ARHGAP28: variants seen among roughly 807,000 people sequenced by gnomAD.
The protein encoded by ARHGAP28 is Rho GTPase activating protein 28, also known as rho GTPase-activating protein 28.
In ARHGAP28, 56 loss-of-function variants were observed where a neutral mutation model predicts 90.7. That is an observed-to-expected ratio of 0.62 (90% confidence interval 0.50 to 0.77). The LOEUF is 0.77. Among genes scored for constraint, ARHGAP28 ranks in the 30% least tolerant of loss-of-function variants. ARHGAP28 has a pLI of 0.00. For missense variants in ARHGAP28, 869 were observed against 900.9 expected (o/e 0.96, Z 0.45); for synonymous variants, 308 against 323.3 (o/e 0.95, Z 0.51).
chr18:6,750,860 T>C (rs1190479858), intron 1 of ARHGAP28, among the ~76,000 whole-genome samples: 1 of 152,232 alleles, frequency 6.6e-6, no homozygotes, highest in Non-Finnish European at 1.5e-5. Flanking sequence ...AACATAGCAC[T>C]TGACATTATC....
At chr18:6,742,460 G>A (rs72882571) in intron 1 of ARHGAP28, among the ~76,000 whole-genome samples, 4,831 of 152,168 alleles carry the variant, frequency 0.032, 117 homozygotes, top group South Asian at 0.049. Flanking sequence ...GTGAGCCATC[G>A]TGCCCGGCCA....
chr18:6,850,851 G>A (rs767999662), intron 3 of ARHGAP28, 183 bp from the exon 4 acceptor site: 6 of 1,521,182 alleles, frequency 3.9e-6, no homozygotes, highest in Non-Finnish European at 5.2e-6. Context: ...GCATTTATGA[G>A]GATCAATGTA....
chr18:6,807,871 G>C (rs1048160613), intron 1 of ARHGAP28, among the ~76,000 whole-genome samples: 2 of 152,138 alleles, frequency 1.3e-5, no homozygotes, highest in African/African-American at 4.8e-5. Context: ...CAGACCCTCA[G>C]GCTCAGCTGG....
In ARHGAP28 at chr18:6,752,942, T is replaced by C. The variant is rs889732881; in HGVS notation, c.122+22999T>C. ...TTGCTTTCATTTTTTACCCACTAAT[T>C]GGCAATACTTTTTTTTTTCTGTTGT... On this transcript the variant is annotated intron_variant, in intron 1 of 17. Coordinates refer to ENST00000383472, the MANE Select transcript of ARHGAP28 (RefSeq NM_001366230.1). Among the ~76,000 whole-genome samples the C allele has an allele frequency of 8.3e-5, 5 of 60,066 alleles. No individual in the cohort carries two copies. In the Admixed American group the frequency reaches 8.5e-4, roughly 10 times the overall value. 39.4% of individuals were successfully genotyped at this position (60,066 alleles called of 152,430 possible). A position where few individuals can be genotyped will look rare whatever the true frequency, so the allele number is the denominator to read the frequency against.
chr18:6,884,613 T>C (rs902259498), intron 11 of ARHGAP28, among the ~76,000 whole-genome samples: 4 of 152,192 alleles, frequency 2.6e-5, no homozygotes, highest in African/African-American at 9.7e-5. Flanking sequence ...GCAGTTTGCT[T>C]GACTGGACTC....
chr18:6,872,225 T>G (rs2057095542), intron 7 of ARHGAP28, among the ~76,000 whole-genome samples: 1 of 152,210 alleles, frequency 6.6e-6, no homozygotes, highest in Non-Finnish European at 1.5e-5. Flanking sequence ...ATGAAGAACT[T>G]TGCATAGGAT....
At chr18:6,795,426 A>G (rs372750289) in intron 1 of ARHGAP28, among the ~76,000 whole-genome samples, 95 of 152,128 alleles carry the variant, frequency 6.2e-4, no homozygotes, top group Middle Eastern at 6.8e-3. Flanking sequence ...GTGTGTCCCA[A>G]GAAGGCACAC....
In ARHGAP28 at chr18:6,898,500, G is replaced by A. The variant is rs754861975; in HGVS notation, c.2030+1874G>A. 1.2e-5 allele frequency: 19 copies of A among 1,614,102 alleles called. No homozygotes were observed. The South Asian group carries it at 2.0e-4, about 17-fold the overall frequency. On this transcript the variant is annotated intron_variant, in intron 16 of 17. Coordinates refer to ENST00000383472, the MANE Select transcript of ARHGAP28 (RefSeq NM_001366230.1). ...TGGAAAATGGGTTAAAAAAGAAAGAGAAGAGTCGACAGAGACCAACAGGAG... is the reference window on the plus strand; with the variant it reads ...TGGAAAATGGGTTAAAAAAGAAAGAAAAGAGTCGACAGAGACCAACAGGAG...
chr18:6,881,400 C>T (rs1257361552), intron 10 of ARHGAP28, among the ~76,000 whole-genome samples: 1 of 152,100 alleles, frequency 6.6e-6, no homozygotes, highest in African/African-American at 2.4e-5. Context: ...TTCAAAGGAG[C>T]AGTGAAAAAT....
At chr18:6,787,700 G>T (rs2056376485) in intron 1 of ARHGAP28, among the ~76,000 whole-genome samples, 1 of 151,920 alleles carries the variant, frequency 6.6e-6, no homozygotes, top group Non-Finnish European at 1.5e-5. Flanking sequence ...TGTCCCCATG[G>T]GTGTTTTTTG....
intron 1 of ARHGAP28, among the ~76,000 whole-genome samples, chr18:6,757,866 A>T (rs568276449): frequency 6.6e-6 from 1 of 152,236 alleles, no homozygotes; most frequent in South Asian, 2.1e-4. Context: ...CACAAGCAGG[A>T]GTATGGATCA....
At chr18:6,806,135 C>G (rs2056517566) in intron 1 of ARHGAP28, among the ~76,000 whole-genome samples, 1 of 151,940 alleles carries the variant, frequency 6.6e-6, no homozygotes, top group Non-Finnish European at 1.5e-5. Flanking sequence ...CTCAGGCAGT[C>G]CGCCTGCCTC....
chr18:6,803,453 T>C (rs1181898469), intron 1 of ARHGAP28, among the ~76,000 whole-genome samples: 1 of 152,184 alleles, frequency 6.6e-6, no homozygotes, highest in Non-Finnish European at 1.5e-5. Context: ...TGATGCATTA[T>C]ATTTTTTATA....
At chr18:6,827,503 C>T (rs1407040524) in intron 2 of ARHGAP28, among the ~76,000 whole-genome samples, 4 of 138,508 alleles carry the variant, frequency 2.9e-5, no homozygotes, top group Non-Finnish European at 3.2e-5. Flanking sequence ...GCAGAGGCGC[C>T]CCTCACCTCC....
chr18:6,840,368 G>A (rs1030003305), intron 3 of ARHGAP28, among the ~76,000 whole-genome samples: 5 of 152,152 alleles, frequency 3.3e-5, no homozygotes, highest in African/African-American at 4.8e-5. Context: ...CATTTACTCA[G>A]TGCATTACTA....
At chr18:6,788,009 C>T (rs2056378814) in intron 1 of ARHGAP28, among the ~76,000 whole-genome samples, 1 of 152,178 alleles carries the variant, frequency 6.6e-6, no homozygotes, top group African/African-American at 2.4e-5. Flanking sequence ...TTCAGTTTCT[C>T]CTGGCCTTGA....
chr18:6,826,598 C>T (rs2056664943), intron 2 of ARHGAP28, among the ~76,000 whole-genome samples: 1 of 150,834 alleles, frequency 6.6e-6, no homozygotes, highest in Non-Finnish European at 1.5e-5. Context: ...TCATCTCCCA[C>T]GAGCGCGTAT....
intron 1 of ARHGAP28, among the ~76,000 whole-genome samples, chr18:6,799,310 C>A (rs895720954): frequency 2.1e-5 from 3 of 145,408 alleles, no homozygotes; most frequent in Non-Finnish European, 3.0e-5. Flanking sequence ...GGCCATACTA[C>A]CCAAAGTAAT....
intron 2 of ARHGAP28, among the ~76,000 whole-genome samples, chr18:6,831,803 G>A (rs1480568670): frequency 6.6e-6 from 1 of 152,024 alleles, no homozygotes; most frequent in African/African-American, 2.4e-5. Context: ...TCCTTGTCAT[G>A]TTCCCAGTTT....
Sources: gnomAD v4.1 joint callset for allele counts (sites outside exome capture counted in the v4.1 genomes callset) on GRCh38, gnomAD v4.1.1 for gene constraint, MANE v1.5 for transcripts, NCBI Gene and HGNC (gene_info 2026-07-23, HGNC 2026-07-21) for gene names.